TYW1: variants seen among roughly 807,000 people sequenced by gnomAD.
TYW1 encodes tRNA-yW synthesizing protein 1 homolog.
Under a neutral mutation model 96.2 loss-of-function variants are expected in TYW1, and 46 were observed. The ratio of observed to expected loss-of-function variants is 0.48; its 90% CI spans 0.38 to 0.61. The LOEUF is 0.61. TYW1 is among the 20% of genes least tolerant of loss of function. The pLI is 0.00. For synonymous variants in TYW1, 274 were observed against 323.0 expected, an observed-to-expected ratio of 0.85 and a Z score of 1.63; for missense variants, 684 against 909.6, an observed-to-expected ratio of 0.75 and a Z score of 3.19.
intron 13 of TYW1, among the ~76,000 whole-genome samples, chr7:67,134,587 T>G (rs1798185670): frequency 6.6e-6 from 1 of 151,158 alleles, no homozygotes; most frequent in Non-Finnish European, 1.5e-5. Flanking sequence ...TCCAAACAAC[T>G]CTGTGAACCT....
intron 9 of TYW1, among the ~76,000 whole-genome samples, chr7:67,057,520 G>A (rs1459001868): frequency 5.3e-5 from 8 of 151,990 alleles, no homozygotes; most frequent in African/African-American, 1.9e-4. Flanking sequence ...GTGCCAACAC[G>A]CCCAGCTAAG....
At chr7:67,055,801 A>G in intron 8 of TYW1, 34 bp from the exon 9 acceptor site, 1 of 1,554,736 alleles carries the variant, frequency 6.4e-7, no homozygotes, top group South Asian at 1.2e-5. Context: ...GCTTTGGATC[A>G]GTCCAACTTT....
chr7:67,045,677 T>C (rs1030740951), intron 7 of TYW1, among the ~76,000 whole-genome samples: 2 of 152,246 alleles, frequency 1.3e-5, no homozygotes, highest in Non-Finnish European at 2.9e-5. Context: ...AGCTCATAAT[T>C]GCCTTTCCTG....
chr7:67,049,685 T>A (rs1436340117), intron 7 of TYW1, among the ~76,000 whole-genome samples: 1 of 152,116 alleles, frequency 6.6e-6, no homozygotes, highest in Non-Finnish European at 1.5e-5. Flanking sequence ...TAGCTGGGAT[T>A]ACAGGTGTGA....
chr7:67,101,634 G>A (rs947277200), intron 12 of TYW1, among the ~76,000 whole-genome samples: 1 of 152,028 alleles, frequency 6.6e-6, no homozygotes, highest in African/African-American at 2.4e-5. Flanking sequence ...TCCTGCCTCA[G>A]TCTCCCCAGT....
intron 3 of TYW1, among the ~76,000 whole-genome samples, chr7:67,005,793 C>T (rs1793559489): frequency 6.6e-6 from 1 of 152,204 alleles, no homozygotes; most frequent in African/African-American, 2.4e-5. Flanking sequence ...CTGACCCCTT[C>T]ATTCAAGAGT....
chr7:67,036,042 T>G lies in TYW1; in HGVS notation c.984+11020T>G, dbSNP rs547896707. On this transcript the variant is annotated intron_variant, in intron 7 of 15. Coordinates refer to ENST00000359626, the MANE Select transcript of TYW1 (RefSeq NM_018264.4). Reference sequence around the variant, plus strand: ...GATCAGAATGGTTTTGATATTTCCTTTTTTTTTTTTTTTTGAGGTTTAGCA... The same window carrying G: ...GATCAGAATGGTTTTGATATTTCCTGTTTTTTTTTTTTTTGAGGTTTAGCA... Among the ~76,000 whole-genome samples, 8 of 93,702 alleles carry G rather than the reference T, an allele frequency of 8.5e-5. No individual in the cohort carries two copies. In the South Asian group the frequency reaches 2.5e-3, roughly 29 times the overall value. The allele number at this position is 93,702 out of a possible 152,430, so 61.5% of individuals were successfully genotyped here. A position where few individuals can be genotyped will look rare whatever the true frequency, so the allele number is the denominator to read the frequency against.
chr7:67,055,890 A>T lies in TYW1; in HGVS notation c.1155+3A>T. On this transcript the variant is annotated splice_donor_region_variant and intron_variant, in intron 9 of 15. Transcript: ENST00000359626. ...TGAAGCTTTGCAGGTGGACAAAGGT[A>T]TTTTTTTTGTTTTTATTCAATATGT... 1.9e-6 allele frequency: 3 copies of T among 1,610,500 alleles called. No individual in the cohort carries two copies. Among genetic ancestry groups the T allele is most frequent in the Non-Finnish European group, 1.7e-6 (2 of 1,178,060 alleles).
At chr7:67,041,859 T>G (rs1157877260) in intron 7 of TYW1, among the ~76,000 whole-genome samples, 2 of 152,010 alleles carry the variant, frequency 1.3e-5, no homozygotes, top group Non-Finnish European at 2.9e-5. Context: ...GTTTTCTCAT[T>G]TGTAATGTGG....
intron 3 of TYW1, among the ~76,000 whole-genome samples, chr7:67,000,779 G>C (rs1196133723): frequency 1.3e-5 from 2 of 152,176 alleles, no homozygotes; most frequent in Non-Finnish European, 2.9e-5. Context: ...AAGATTTTAA[G>C]GAAGGCTAGC....
chr7:67,056,838 C>T (rs1795532563), intron 9 of TYW1, among the ~76,000 whole-genome samples: 1 of 152,080 alleles, frequency 6.6e-6, no homozygotes, highest in South Asian at 2.1e-4. Flanking sequence ...ATATATTTAA[C>T]TTTAGAAGAA....
At chr7:67,211,674 C>T (rs1801030526) in intron 15 of TYW1, among the ~76,000 whole-genome samples, 2 of 152,220 alleles carry the variant, frequency 1.3e-5, no homozygotes, top group Admixed American at 6.5e-5. Context: ...TCCCCTTGCT[C>T]ATCTGTAAAT....
At chr7:67,074,832 T>G (rs1366988781) in intron 10 of TYW1, among the ~76,000 whole-genome samples, 4 of 131,890 alleles carry the variant, frequency 3.0e-5, no homozygotes, top group Admixed American at 2.2e-4. Context: ...TGACAGTGGG[T>G]TTTTTTTTTT....
chr7:67,015,789 C>T (rs572225880), intron 5 of TYW1, among the ~76,000 whole-genome samples: 8 of 152,068 alleles, frequency 5.3e-5, no homozygotes, highest in East Asian at 1.9e-4. Flanking sequence ...GCTGAAGCCC[C>T]GTCTCTGCTA....
In TYW1 at chr7:67,080,418, T is replaced by A. The variant is rs991940645; in HGVS notation, c.1275-3012T>A. Among the ~76,000 whole-genome samples, 57 of 151,422 alleles carry A rather than the reference T, an allele frequency of 3.8e-4. No individual in the cohort carries two copies. In the South Asian group the frequency reaches 8.6e-3, roughly 23 times the overall value. On this transcript the variant is annotated intron_variant, in intron 10 of 15. Coordinates refer to ENST00000359626, the MANE Select transcript of TYW1 (RefSeq NM_018264.4). ...TCTTGCTTACTTTTTTTTTTTTTTT[T>A]AATTTGAGATGGAATCCTGCTCTGT...
intron 10 of TYW1, among the ~76,000 whole-genome samples, chr7:67,069,680 A>G (rs971063984): frequency 6.6e-6 from 1 of 151,930 alleles, no homozygotes; most frequent in African/African-American, 2.4e-5. Context: ...TGGAGGGTGC[A>G]ATGAGCCTTG....
At chr7:67,083,229 T>C (rs1215919554) in intron 10 of TYW1, among the ~76,000 whole-genome samples, 1 of 152,064 alleles carries the variant, frequency 6.6e-6, no homozygotes, top group East Asian at 1.9e-4. Flanking sequence ...CTGGGAAGAG[T>C]TGAATGATTT....
chr7:67,206,580 A>G (rs867903825), intron 15 of TYW1, among the ~76,000 whole-genome samples: 1 of 151,918 alleles, frequency 6.6e-6, no homozygotes, highest in Non-Finnish European at 1.5e-5. Flanking sequence ...GCAGTGAGCC[A>G]AGATCGTGCC....
At chr7:67,001,300 A>G (rs1793379820) in intron 3 of TYW1, among the ~76,000 whole-genome samples, 1 of 152,088 alleles carries the variant, frequency 6.6e-6, no homozygotes, top group Non-Finnish European at 1.5e-5. Context: ...ACAGCCCTCA[A>G]GTCTCAGTGG....
Sources: gnomAD v4.1 joint callset for allele counts (sites outside exome capture counted in the v4.1 genomes callset) on GRCh38, gnomAD v4.1.1 for gene constraint, MANE v1.5 for transcripts, NCBI Gene and HGNC (gene_info 2026-07-23, HGNC 2026-07-21) for gene names.